The following GALNT10 variants were observed in gnomAD, a reference collection of about 807,000 sequenced individuals.
GALNT10 encodes the protein GalNAc transferase 10.
Under a neutral mutation model 75.0 loss-of-function variants are expected in GALNT10, and 41 were observed. The ratio of observed to expected loss-of-function variants is 0.55; its 90% CI spans 0.43 to 0.71. The LOEUF (loss-of-function observed/expected upper bound fraction) is 0.71. Ranked by LOEUF, GALNT10 falls within the 30% of genes least tolerant of loss-of-function variation. GALNT10 has a pLI of 0.00. For synonymous variants in GALNT10, 302 were observed against 313.0 expected (o/e 0.96, Z 0.37); for missense variants, 727 against 818.5 (o/e 0.89, Z 1.36).
chr5:154,227,478 C>A (rs1410170831), intron 1 of GALNT10, among the ~76,000 whole-genome samples: 2 of 151,968 alleles, frequency 1.3e-5, no homozygotes, highest in African/African-American at 4.8e-5. Context: ...TCTGTTAATA[C>A]CTTTGACCAT....
At chr5:154,265,569 T>C (rs1263102563) in intron 1 of GALNT10, among the ~76,000 whole-genome samples, 1 of 152,228 alleles carries the variant, frequency 6.6e-6, no homozygotes, top group Admixed American at 6.5e-5. Flanking sequence ...GCTCCAAGTT[T>C]GGATAATTTT....
chr5:154,411,701 C>T (rs947580616), intron 9 of GALNT10, among the ~76,000 whole-genome samples: 1 of 152,218 alleles, frequency 6.6e-6, no homozygotes. Context: ...TGTGGACTTC[C>T]CTCATGAGGC....
Position 154,412,884 on chromosome 5 carries a change from T to G in GALNT10, c.1387-5T>G, listed in dbSNP as rs199634661. ...TGGTCCACTTCTTCCCTCTTTCCCTTTCAGATCCGAAATGTGGGCACAGGG... is the reference window on the plus strand; with the variant it reads ...TGGTCCACTTCTTCCCTCTTTCCCTGTCAGATCCGAAATGTGGGCACAGGG... On this transcript the variant is annotated splice_polypyrimidine_tract_variant and splice_region_variant and intron_variant, in intron 9 of 11. Transcript: ENST00000297107. This position sits in a 1 kb window ranked among gnomAD's most constrained non-coding sequence, Gnocchi z 4.2. 2.5e-6 allele frequency: 4 copies of G among 1,605,008 alleles called. No homozygotes were observed. The highest frequency in any genetic ancestry group is 3.4e-6 in the Non-Finnish European group (4 of 1,171,958).
chr5:154,284,722 G>A (rs988922435), intron 1 of GALNT10, among the ~76,000 whole-genome samples: 8 of 152,112 alleles, frequency 5.3e-5, no homozygotes, highest in Non-Finnish European at 8.8e-5. Flanking sequence ...ATCTCAGCAC[G>A]TTTTCCATAT....
intron 1 of GALNT10, among the ~76,000 whole-genome samples, chr5:154,222,421 A>G (rs186563110): frequency 1.5e-3 from 225 of 152,312 alleles, no homozygotes; most frequent in African/African-American, 5.1e-3. Context: ...TAAAGCTGTT[A>G]TAAACATTTG....
intron 1 of GALNT10, among the ~76,000 whole-genome samples, chr5:154,225,859 A>C (rs1201626806): frequency 8.3e-5 from 6 of 72,344 alleles, no homozygotes; most frequent in African/African-American, 1.5e-4. Context: ...GTTTCGTATT[A>C]TTTCTCTACT....
chr5:154,313,593 C>T (rs1476570542), intron 3 of GALNT10, among the ~76,000 whole-genome samples: 1 of 152,130 alleles, frequency 6.6e-6, no homozygotes, highest in Non-Finnish European at 1.5e-5. Context: ...TTGGCTGGCT[C>T]TCAGCAAAGC....
intron 4 of GALNT10, among the ~76,000 whole-genome samples, chr5:154,332,868 T>C (rs1754888618): frequency 6.6e-6 from 1 of 152,166 alleles, no homozygotes; most frequent in African/African-American, 2.4e-5. Context: ...GTTGGGCTTG[T>C]AGCACTCAGC....
chr5:154,410,686 G>C (rs1326975761), intron 9 of GALNT10, among the ~76,000 whole-genome samples: 1 of 152,188 alleles, frequency 6.6e-6, no homozygotes, highest in African/African-American at 2.4e-5. Context: ...GGATGCTGTT[G>C]CCCTTCTTAG....
intron 4 of GALNT10, among the ~76,000 whole-genome samples, chr5:154,345,655 GAA>G (rs1358972878): frequency 5.3e-5 from 5 of 94,732 alleles, no homozygotes; most frequent in African/African-American, 2.3e-4. Flanking sequence ...TTTTTTTTAA[GAA>G]AGAGTTTCAC....
chr5:154,356,426 G>A, intron 4 of GALNT10: 2 of 292,572 alleles, frequency 6.8e-6, no homozygotes, highest in South Asian at 5.7e-5. Flanking sequence ...TGGCAGGGCT[G>A]GGGGAGGGAG....
intron 8 of GALNT10, among the ~76,000 whole-genome samples, chr5:154,404,921 C>G (rs1270273997): frequency 6.6e-6 from 1 of 152,154 alleles, no homozygotes; most frequent in Non-Finnish European, 1.5e-5. Context: ...TGGCCACTGG[C>G]TGCAAATGGA....
At chr5:154,260,748 G>A (rs2443517) in intron 1 of GALNT10, among the ~76,000 whole-genome samples, 37,191 of 152,058 alleles carry the variant, frequency 0.24, 5,528 homozygotes, top group African/African-American at 0.42. Flanking sequence ...TTGACTGCTC[G>A]TGATGGTTCT....
intron 5 of GALNT10, among the ~76,000 whole-genome samples, chr5:154,379,569 A>T (rs778977430): frequency 6.6e-6 from 1 of 152,210 alleles, no homozygotes; most frequent in African/African-American, 2.4e-5. Flanking sequence ...TGTCTGACCC[A>T]GTAGCTCACT....
chr5:154,271,573 T>C (rs1336139138), intron 1 of GALNT10, among the ~76,000 whole-genome samples: 2 of 152,260 alleles, frequency 1.3e-5, no homozygotes, highest in African/African-American at 4.8e-5. Context: ...GGTGTGTCTG[T>C]CTGTCTGTCC....
At chr5:154,247,460 A>G (rs1047528235) in intron 1 of GALNT10, among the ~76,000 whole-genome samples, 1 of 152,186 alleles carries the variant, frequency 6.6e-6, no homozygotes, top group Admixed American at 6.5e-5. Context: ...ATGTTCTTCT[A>G]TTTGTTTGTA....
chr5:154,392,164 A>T (rs992064906), intron 7 of GALNT10: 1 of 151,836 alleles, frequency 6.6e-6, no homozygotes, highest in Non-Finnish European at 1.5e-5. Flanking sequence ...CACACTGTAC[A>T]CTCCTGAAAT....
intron 7 of GALNT10, among the ~76,000 whole-genome samples, chr5:154,394,051 C>G (rs1755964403): frequency 6.6e-6 from 1 of 152,132 alleles, no homozygotes; most frequent in Non-Finnish European, 1.5e-5. Flanking sequence ...GAGGTGGGCC[C>G]CACCGTCCTT....
In GALNT10 at chr5:154,329,692, A is replaced by G; in HGVS notation, c.522A>G (p.Pro174=). The G allele has an allele frequency of 6.2e-7, 1 of 1,613,728 alleles. No individual in the cohort carries two copies. Among genetic ancestry groups the G allele is most frequent in the Non-Finnish European group, 8.5e-7 (1 of 1,179,658 alleles). Residue 174 remains proline (P), a synonymous_variant, in exon 4 of 12, where the codon CCA becomes CCG. Transcript: ENST00000297107. ...ACAGTGTGCTCAATCGCTCGCCTCC[A>G]GAGCTGGTCGCCGAGATTGTACTGG... The part of the protein sequence containing the change: ...TVHSVLNRSP[P]ELVAEIVLVD...
Sources: allele counts gnomAD v4.1 joint callset (sites outside exome capture counted in the v4.1 genomes callset), GRCh38; gene constraint gnomAD v4.1.1; non-coding constraint Gnocchi (gnomAD v3.1); transcripts MANE v1.5; gene names NCBI Gene and HGNC (gene_info 2026-07-23, HGNC 2026-07-21).